Variants in NCOA4 observed in about 807,000 individuals in gnomAD.
NCOA4 encodes 70 kDa AR-activator.
NCOA4 carries 31 observed loss-of-function variants against 69.5 expected under a neutral mutation model. The observed-to-expected ratio is 0.45, with a 90% confidence interval of 0.34 to 0.60. The LOEUF (loss-of-function observed/expected upper bound fraction) is 0.60, where lower values mean the gene tolerates loss of function less well. Ranked by LOEUF, NCOA4 falls within the 20% of genes least tolerant of loss-of-function variation. NCOA4 has a pLI of 0.02. For missense variants in NCOA4, 600 were observed against 719.2 expected (o/e 0.83, Z 1.90); for synonymous variants, 228 against 252.4 (o/e 0.90, Z 0.92).
intron 2 of NCOA4, among the ~76,000 whole-genome samples, chr10:46,016,199 A>T (rs1005766434): frequency 6.6e-6 from 1 of 152,242 alleles, no homozygotes; most frequent in Non-Finnish European, 1.5e-5. Flanking sequence ...AAGAGGATGC[A>T]GCTGAGAGGA....
In NCOA4 at chr10:46,010,645, C is replaced by A. The variant is rs1312135337; in HGVS notation, c.1276G>T (p.Ala426Ser). The stretch of plus-strand genomic sequence containing the variant: ...TTCTTCAGAAGCCACTTATACAGAG[C>A]CTCCTTCTCACAATTCTCATCACAC... ...CVCDENCEKE[A>S]LYKWLLKKEG... Residue 426 changes from alanine to serine, a missense_variant, in exon 8 of 10, where the codon GCT (alanine) becomes TCT (serine). Ala to Ser is a moderately conservative substitution (Grantham distance 99). Transcript: ENST00000581486. 6 of 1,614,042 alleles carry A rather than the reference C, an allele frequency of 3.7e-6. No individual in the cohort carries two copies. Among genetic ancestry groups the A allele is most frequent in the Non-Finnish European group, 5.1e-6 (6 of 1,180,040 alleles).
At position 46,007,956 on chromosome 10, in the gene NCOA4, G is replaced by A. The variant is rs184975299; in HGVS notation, c.1840-1359C>T. ...TTGAGAATTATGCTAAATCTACTCT[G>A]CCTGTGCTCTAGAAATGGAACAACA... On this transcript the variant is annotated intron_variant, in intron 9 of 9. Transcript: ENST00000581486. 2.0e-3 allele frequency among the ~76,000 whole-genome samples: 302 copies of A among 152,222 alleles called. 3 individuals are homozygous for A. The highest frequency in any genetic ancestry group is 0.019 in the East Asian group (98 of 5,174).
intron 1 of NCOA4, among the ~76,000 whole-genome samples, chr10:46,029,540 C>T (rs1174240506): frequency 1.3e-5 from 2 of 152,180 alleles, no homozygotes; most frequent in African/African-American, 4.8e-5. Context: ...ACTCAAGAGT[C>T]TCTATAAACT....
rs781910605 is a variant in NCOA4, at chr10:46,009,181, G to A, written c.1839+230C>T. 4 of 1,551,036 alleles carry A rather than the reference G, an allele frequency of 2.6e-6. No homozygotes were observed. The South Asian group carries it at 3.6e-5, about 14-fold the overall frequency. On this transcript the variant is annotated intron_variant, in intron 9 of 9. Coordinates refer to ENST00000581486, the MANE Select transcript of NCOA4 (RefSeq NM_001145263.2). The stretch of plus-strand genomic sequence containing the variant: ...ACATGGGATCTGAAAATTCCCAACG[G>A]TTACATCTTGAAAGTTCATTTTGAA...
chr10:46,015,900 A>C (rs954531231), intron 2 of NCOA4, among the ~76,000 whole-genome samples: 3 of 152,258 alleles, frequency 2.0e-5, no homozygotes, highest in Admixed American at 1.3e-4. Context: ...CAGTGATTCA[A>C]ACAGGGCTAA....
chr10:46,023,865 T>C (rs1207058447), intron 1 of NCOA4, among the ~76,000 whole-genome samples: 1 of 152,268 alleles, frequency 6.6e-6, no homozygotes, highest in Non-Finnish European at 1.5e-5. Context: ...ATAATCCTCA[T>C]AGCCTGCATA....
intron 1 of NCOA4, chr10:46,023,360 GCCC>G: frequency 2.0e-6 from 2 of 985,660 alleles, no homozygotes; most frequent in South Asian, 9.4e-5. Context: ...CTCACCAGCT[GCCC>G]GGCAAGCGAC....
At chr10:46,010,163 CAAAAT>C in intron 8 of NCOA4, 55 bp downstream of exon 8, 2 of 1,521,216 alleles carry the variant, frequency 1.3e-6, no homozygotes, top group Non-Finnish European at 1.8e-6. Flanking sequence ...GACCCCATCT[CAAAAT>C]AAATGAATAA....
At chr10:46,018,390 C>T (rs1243208869) in intron 1 of NCOA4, among the ~76,000 whole-genome samples, 1 of 152,198 alleles carries the variant, frequency 6.6e-6, no homozygotes, top group Non-Finnish European at 1.5e-5. Context: ...TCTATGAATT[C>T]GCAGTGTGCT....
At chr10:46,029,431 C>T (rs570039076) in intron 1 of NCOA4, among the ~76,000 whole-genome samples, 1 of 152,162 alleles carries the variant, frequency 6.6e-6, no homozygotes, top group Non-Finnish European at 1.5e-5. Flanking sequence ...CTTTCTCAAA[C>T]GGTCTCAAGT....
chr10:46,009,267 C>T, intron 9 of NCOA4, 144 bp downstream of exon 9: 5 of 1,473,456 alleles, frequency 3.4e-6, no homozygotes, highest in Non-Finnish European at 4.7e-6. Flanking sequence ...TTATGAGCTC[C>T]CCCGTCCCAC....
intron 9 of NCOA4, 95 bp from the exon 10 acceptor site, chr10:46,006,692 G>A: frequency 1.8e-6 from 2 of 1,103,922 alleles, no homozygotes; most frequent in East Asian, 2.4e-5. Context: ...CCCAATACAG[G>A]TATACCCTTG....
At chr10:46,024,742 G>A (rs1308585779) in intron 1 of NCOA4, among the ~76,000 whole-genome samples, 9 of 152,128 alleles carry the variant, frequency 5.9e-5, no homozygotes, top group Admixed American at 5.9e-4. Context: ...GGGGAAAAAT[G>A]CATAAGGTAT....
In NCOA4 at chr10:46,005,980, T is replaced by A. The variant is rs1838785657; in HGVS notation, c.*612A>T. The A allele has an allele frequency of 4.9e-6, 1 of 205,700 alleles. No individual in the cohort carries two copies. Among genetic ancestry groups the A allele is most frequent in the Admixed American group, 6.0e-5 (1 of 16,790 alleles). The allele number at this position is 205,700 out of a possible 1,614,324, so 12.7% of individuals were successfully genotyped here. A position where few individuals can be genotyped will look rare whatever the true frequency, so the allele number is the denominator to read the frequency against. On this transcript the variant is annotated 3_prime_UTR_variant, in exon 10 of 10. Transcript: ENST00000581486. ...AGACAAAATTTGCAGTAGCTGAGTT[T>A]AAGTGAAGAATAATGTAGAACTAAC...
At chr10:46,022,164 C>T (rs1380311676) in intron 1 of NCOA4, among the ~76,000 whole-genome samples, 1 of 152,060 alleles carries the variant, frequency 6.6e-6, no homozygotes, top group Middle Eastern at 3.2e-3. Flanking sequence ...TCTCTGCCCC[C>T]CTTGCCACCT....
chr10:46,005,481 A>G lies in NCOA4; in HGVS notation c.*1111T>C, dbSNP rs1590141494. On this transcript the variant is annotated 3_prime_UTR_variant, in exon 10 of 10. Coordinates refer to ENST00000581486, the MANE Select transcript of NCOA4 (RefSeq NM_001145263.2). ...TCAAAGTCTGGAAAGCAGCAAAGAT[A>G]TCTTAGAGAAAACATTATAAACCCC... The G allele has an allele frequency of 9.1e-6, 2 of 220,888 alleles. No homozygotes were observed. Among genetic ancestry groups the G allele is most frequent in the Non-Finnish European group, 1.8e-5 (2 of 109,992 alleles). The allele number at this position is 220,888 out of a possible 1,614,324, so 13.7% of individuals were successfully genotyped here. A position where few individuals can be genotyped will look rare whatever the true frequency, so the allele number is the denominator to read the frequency against.
intron 9 of NCOA4, among the ~76,000 whole-genome samples, chr10:46,007,565 AAC>A (rs1319455961): frequency 2.0e-5 from 3 of 149,728 alleles, no homozygotes; most frequent in Non-Finnish European, 4.4e-5. Context: ...GTTAGGGACT[AAC>A]ACAGCCAGTG....
chr10:46,014,579 ATTTTTAAGGAAT>A (rs782524156), intron 4 of NCOA4, 27 bp from the exon 5 acceptor site: 1 of 1,496,614 alleles, frequency 6.7e-7, no homozygotes, highest in South Asian at 1.2e-5. Flanking sequence ...AAAATTGGCT[ATTTTTAAGGAAT>A]ATCTGTTTCA....
intron 1 of NCOA4, among the ~76,000 whole-genome samples, chr10:46,026,859 A>G (rs1361134711): frequency 6.6e-6 from 1 of 152,198 alleles, no homozygotes; most frequent in Non-Finnish European, 1.5e-5. Context: ...GTAATGCTGC[A>G]TAAGAGGAAT....
Sources: allele counts gnomAD v4.1 joint callset (sites outside exome capture counted in the v4.1 genomes callset), GRCh38; gene constraint gnomAD v4.1.1; transcripts MANE v1.5; gene names NCBI Gene and HGNC (gene_info 2026-07-23, HGNC 2026-07-21).